CCDC170: variants seen among roughly 807,000 people sequenced by gnomAD.
The protein encoded by CCDC170 is coiled-coil domain containing 170.
Under a neutral mutation model 72.6 loss-of-function variants are expected in CCDC170, and 69 were observed. The ratio of observed to expected loss-of-function variants is 0.95; its 90% CI spans 0.78 to 1.16. CCDC170 has a LOEUF of 1.16. Ranked by LOEUF, CCDC170 falls within the 50% of genes most tolerant of loss-of-function variation. The probability of loss-of-function intolerance (pLI) is 0.00; values close to 1 mark genes in which losing one functional copy is unlikely to be tolerated. For missense variants in CCDC170, 852 were observed against 832.5 expected, an observed-to-expected ratio of 1.02 and a Z score of -0.29; for synonymous variants, 300 against 303.9, an observed-to-expected ratio of 0.99 and a Z score of 0.13.
chr6:151,509,074 A>C (rs972519662), intron 1 of CCDC170, among the ~76,000 whole-genome samples: 1 of 152,110 alleles, frequency 6.6e-6, no homozygotes, highest in Non-Finnish European at 1.5e-5. Flanking sequence ...TTTTCATTTT[A>C]AACTAAAATT....
chr6:151,603,904 C>T (rs1776746272), intron 9 of CCDC170, among the ~76,000 whole-genome samples: 1 of 152,090 alleles, frequency 6.6e-6, no homozygotes, highest in Admixed American at 6.6e-5. Flanking sequence ...GTCCCTGGAC[C>T]TCATTTAAGT....
intron 10 of CCDC170, among the ~76,000 whole-genome samples, chr6:151,617,612 G>T (rs1776990932): frequency 6.6e-6 from 1 of 151,988 alleles, no homozygotes; most frequent in Non-Finnish European, 1.5e-5. Context: ...CGACGTAGGT[G>T]TATGGTTAAT....
In CCDC170 at chr6:151,510,767, G is replaced by T. The variant is rs150884526; in HGVS notation, c.57+16582G>T. 3.3e-4 allele frequency among the ~76,000 whole-genome samples: 50 copies of T among 150,640 alleles called. 1 individual carries two copies. Among genetic ancestry groups the T allele is most frequent in the African/African-American group, 1.2e-3 (49 of 40,970 alleles). ...TCTTCTTTTTTTTTTATAGAGTCTC[G>T]CTTTGTCACCCAGGCTGGAGTGCAG... is the stretch of plus-strand genomic sequence containing the variant. On this transcript the variant is annotated intron_variant, in intron 1 of 10. Transcript: ENST00000239374.
intron 1 of CCDC170, among the ~76,000 whole-genome samples, chr6:151,497,747 G>A (rs759833467): frequency 2.6e-4 from 39 of 151,850 alleles, no homozygotes; most frequent in Non-Finnish European, 4.4e-4. Context: ...AGGCTGAGGC[G>A]GGAGGCTCAC....
intron 2 of CCDC170, among the ~76,000 whole-genome samples, chr6:151,537,255 C>T (rs762725253): frequency 6.6e-6 from 1 of 152,282 alleles, no homozygotes; most frequent in Middle Eastern, 3.4e-3. Context: ...CTGCTTATAG[C>T]CTGGTGGCCC....
rs35011106 is a variant in CCDC170, at chr6:151,620,189, CAAAAAAA to C, written c.*2053_*2059del. On this transcript the variant is annotated 3_prime_UTR_variant, in exon 11 of 11. Transcript: ENST00000239374. ...CCAATAAATGTAGAATGGATGATTC[CAAAAAAA>C]AAAAAAAAAAGAAGAAAGAGAGAAA... 3 of 104,684 alleles carry C rather than the reference CAAAAAAA, an allele frequency of 2.9e-5. No homozygotes were observed. Among genetic ancestry groups the C allele is most frequent in the African/African-American group, 7.2e-5 (2 of 27,728 alleles). The allele number at this position is 104,684 out of a possible 1,614,324, so 6.5% of individuals were successfully genotyped here.
chr6:151,601,960 C>T (rs916399198), intron 9 of CCDC170, among the ~76,000 whole-genome samples: 1 of 152,308 alleles, frequency 6.6e-6, no homozygotes, highest in African/African-American at 2.4e-5. Flanking sequence ...GGATATACCA[C>T]ATTTTGGTTG....
At chr6:151,592,990 A>G (rs1776565024) in intron 7 of CCDC170, 117 bp from the exon 8 acceptor site, 4 of 1,123,536 alleles carry the variant, frequency 3.6e-6, no homozygotes, top group African/African-American at 1.6e-5. Flanking sequence ...GCTCCGTTCC[A>G]TGCTCTCTGC....
intron 9 of CCDC170, among the ~76,000 whole-genome samples, chr6:151,602,643 T>A (rs75210239): frequency 1.3e-5 from 2 of 152,228 alleles, no homozygotes; most frequent in African/African-American, 4.8e-5. Flanking sequence ...TGACAGTTCC[T>A]TCTTCACATG....
At chr6:151,546,390 C>A (rs1325029063) in intron 4 of CCDC170, among the ~76,000 whole-genome samples, 1 of 152,194 alleles carries the variant, frequency 6.6e-6, no homozygotes, top group South Asian at 2.1e-4. Flanking sequence ...CCGTGACACA[C>A]TTTTCTCTAT....
intron 8 of CCDC170, 136 bp from the exon 9 acceptor site, chr6:151,596,199 A>G (rs1346251726): frequency 9.3e-7 from 1 of 1,077,072 alleles, no homozygotes; most frequent in African/African-American, 1.6e-5. Flanking sequence ...CAGGAAAAGG[A>G]ATCCAATGAC....
rs1160878006 is a variant in CCDC170 at position 151,499,483 on chromosome 6, A to T, written c.57+5298A>T. 1.5e-5 allele frequency among the ~76,000 whole-genome samples: 2 copies of T among 130,334 alleles called. 1 individual carries two copies. Among genetic ancestry groups the T allele is most frequent in the Non-Finnish European group, 3.1e-5 (2 of 63,598 alleles). 85.5% of individuals were successfully genotyped at this position (130,334 alleles called of 152,430 possible). ...TATAAGTGGAATCAGACTGTATTTG[A>T]CTATTCTAGGCACTCTGTATAAGTG... On this transcript the variant is annotated intron_variant, in intron 1 of 10. Coordinates refer to ENST00000239374, the MANE Select transcript of CCDC170 (RefSeq NM_025059.4).
intron 1 of CCDC170, among the ~76,000 whole-genome samples, chr6:151,512,455 C>G (rs1335985559): frequency 1.3e-5 from 2 of 151,792 alleles, no homozygotes; most frequent in Admixed American, 6.6e-5. Context: ...CCACTGCACC[C>G]GGACCCAGTA....
At chr6:151,590,075 G>C (rs571248339) in intron 7 of CCDC170, among the ~76,000 whole-genome samples, 5 of 151,542 alleles carry the variant, frequency 3.3e-5, no homozygotes, top group African/African-American at 1.2e-4. Flanking sequence ...CAATCTCTTC[G>C]AGATTCAGCT....
chr6:151,561,009 T>C (rs1044169801), intron 5 of CCDC170, among the ~76,000 whole-genome samples: 1 of 152,152 alleles, frequency 6.6e-6, no homozygotes, highest in Non-Finnish European at 1.5e-5. Flanking sequence ...TGTTGTTAAC[T>C]AGTTGCTTTG....
intron 1 of CCDC170, among the ~76,000 whole-genome samples, chr6:151,518,276 A>C (rs1182321338): frequency 6.6e-6 from 1 of 152,204 alleles, no homozygotes; most frequent in African/African-American, 2.4e-5. Flanking sequence ...TTTCTAAGCC[A>C]GCCCATCTCC....
At position 151,615,698 on chromosome 6, in the gene CCDC170, A is replaced by C. The variant is rs777892834; in HGVS notation, c.1947+19A>C. 6.5e-6 allele frequency: 10 copies of C among 1,528,766 alleles called. No individual in the cohort carries two copies. In the African/African-American group the frequency reaches 1.1e-4, roughly 17 times the overall value. 94.7% of individuals were successfully genotyped at this position (1,528,766 alleles called of 1,614,324 possible). A position where few individuals can be genotyped will look rare whatever the true frequency, so the allele number is the denominator to read the frequency against. ...AAAGCAGGTGGGTCTAAATCTGGTGATGAAACCTTGTTTAGGAAATGACAG... is the reference window on the plus strand; with the variant it reads ...AAAGCAGGTGGGTCTAAATCTGGTGCTGAAACCTTGTTTAGGAAATGACAG... On this transcript the variant is annotated intron_variant, in intron 10 of 10. Coordinates refer to ENST00000239374, the MANE Select transcript of CCDC170 (RefSeq NM_025059.4).
intron 1 of CCDC170, among the ~76,000 whole-genome samples, chr6:151,516,094 T>C (rs1265930528): frequency 1.3e-5 from 2 of 151,840 alleles, no homozygotes; most frequent in Middle Eastern, 3.2e-3. Context: ...AAGACAAATA[T>C]ATTTTGAGGT....
At chr6:151,585,794 C>A in intron 6 of CCDC170, 95 bp from the exon 7 acceptor site, 2 of 1,092,166 alleles carry the variant, frequency 1.8e-6, no homozygotes, top group Non-Finnish European at 2.6e-6. Flanking sequence ...AAGTTGGTAT[C>A]ATAAACAGTT....
Sources: allele counts gnomAD v4.1 joint callset (sites outside exome capture counted in the v4.1 genomes callset), GRCh38; gene constraint gnomAD v4.1.1; transcripts MANE v1.5; gene names NCBI Gene and HGNC (gene_info 2026-07-23, HGNC 2026-07-21).